NFIB: variants seen among roughly 807,000 people sequenced by gnomAD.
NFIB encodes the protein nuclear factor I B, also known as nuclear factor 1 B-type.
A neutral mutation model predicts 61.5 loss-of-function variants in NFIB; 11 were observed. The ratio of observed to expected loss-of-function variants is 0.18; its 90% CI spans 0.11 to 0.30. NFIB has a LOEUF of 0.30. NFIB is among the 10% of genes least tolerant of loss of function. The pLI, the probability that NFIB is intolerant of heterozygous loss-of-function variation, is 1.00. For synonymous variants in NFIB, 260 were observed against 216.5 expected (o/e 1.20, Z -1.76); for missense variants, 471 against 608.9 (o/e 0.77, Z 2.38).
intron 3 of NFIB, among the ~76,000 whole-genome samples, chr9:14,178,945 G>C (rs924079119): frequency 6.6e-6 from 1 of 152,020 alleles, no homozygotes; most frequent in Non-Finnish European, 1.5e-5. Context: ...TAGCTGGTTC[G>C]GGGTTTTTGT....
the NFIB span, chr9:14,531,905 T>A: frequency 1.3e-5 from 2 of 151,628 alleles, no homozygotes; most frequent in Non-Finnish European, 2.9e-5. Context: ...GGGAGGGAAG[T>A]TTTGGGGGTG....
intron 2 of NFIB, among the ~76,000 whole-genome samples, chr9:14,273,269 C>T (rs539719052): frequency 1.3e-5 from 2 of 152,272 alleles, no homozygotes; most frequent in East Asian, 3.9e-4. Context: ...CTGTGTAACT[C>T]TACATGTCAA....
At chr9:14,167,507 C>T (rs546876834) in intron 3 of NFIB, among the ~76,000 whole-genome samples, 3 of 152,130 alleles carry the variant, frequency 2.0e-5, no homozygotes, top group South Asian at 4.2e-4. Flanking sequence ...CACTCCAGAC[C>T]GGGCAACAGA....
chr9:14,232,742 A>C (rs2053337111), intron 2 of NFIB, among the ~76,000 whole-genome samples: 1 of 152,248 alleles, frequency 6.6e-6, no homozygotes, highest in African/African-American at 2.4e-5. Context: ...ATGACTCTTA[A>C]GTGATTTACA....
At chr9:14,093,151 C>T (rs1247743958) in intron 10 of NFIB, among the ~76,000 whole-genome samples, 2 of 151,960 alleles carry the variant, frequency 1.3e-5, no homozygotes, top group Non-Finnish European at 2.9e-5. Context: ...TTTACATCAC[C>T]TATTATTTAT....
At chr9:14,223,925 G>A (rs1159431238) in intron 2 of NFIB, among the ~76,000 whole-genome samples, 1 of 152,198 alleles carries the variant, frequency 6.6e-6, no homozygotes, top group African/African-American at 2.4e-5. Context: ...CTACACTCTA[G>A]TTGGCCAAGA....
At chr9:14,416,471 C>A in the NFIB span, among the ~76,000 whole-genome samples, 2 of 150,040 alleles carry the variant, frequency 1.3e-5, no homozygotes, top group Non-Finnish European at 3.0e-5. Flanking sequence ...TGTGTAGGCC[C>A]AGGCTAATGT....
intron 1 of NFIB, among the ~76,000 whole-genome samples, chr9:14,332,956 A>G (rs1483089038): frequency 6.6e-6 from 1 of 152,204 alleles, no homozygotes; most frequent in African/African-American, 2.4e-5. Flanking sequence ...TTTTATCAAA[A>G]GAAGGAAATG....
At chr9:14,427,919 T>G in the NFIB span, among the ~76,000 whole-genome samples, 1 of 147,382 alleles carries the variant, frequency 6.8e-6, no homozygotes, top group African/African-American at 2.5e-5. Flanking sequence ...CAGATCTACA[T>G]TATTCTTTAA....
the NFIB span, among the ~76,000 whole-genome samples, chr9:14,528,096 T>C: frequency 2.0e-5 from 3 of 152,162 alleles, no homozygotes; most frequent in South Asian, 4.1e-4. Context: ...CAGTTTAAAA[T>C]AGTCAATTAT....
intron 1 of NFIB, among the ~76,000 whole-genome samples, chr9:14,397,556 C>T (rs1336989899): frequency 4.6e-5 from 7 of 152,122 alleles, no homozygotes; most frequent in Non-Finnish European, 8.8e-5. Flanking sequence ...AGAAATTATT[C>T]ACAAGTCTTT....
At chr9:14,196,447 G>A (rs2048477150) in intron 2 of NFIB, among the ~76,000 whole-genome samples, 2 of 152,066 alleles carry the variant, frequency 1.3e-5, no homozygotes, top group African/African-American at 2.4e-5. Flanking sequence ...GCGGAAGGGG[G>A]TTCCTGTTTA....
At chr9:14,348,348 A>AG (rs2061059986) in intron 1 of NFIB, among the ~76,000 whole-genome samples, 1 of 151,604 alleles carries the variant, frequency 6.6e-6, no homozygotes, top group African/African-American at 2.4e-5. Context: ...GAAAAAAAAA[A>AG]AAGACCCCAA....
At chr9:14,482,920 G>A in the NFIB span, among the ~76,000 whole-genome samples, 1 of 152,204 alleles carries the variant, frequency 6.6e-6, no homozygotes, top group Non-Finnish European at 1.5e-5. Flanking sequence ...CAAATAATGT[G>A]AATTTGGATG....
intron 1 of NFIB, among the ~76,000 whole-genome samples, chr9:14,340,303 A>C (rs2060934989): frequency 6.6e-6 from 1 of 152,208 alleles, no homozygotes; most frequent in South Asian, 2.1e-4. Context: ...TTAGTAAAAG[A>C]ATGGGCGTTC....
upstream of NFIB, among the ~76,000 whole-genome samples, chr9:14,400,720 T>G (rs554731666): frequency 6.6e-6 from 1 of 152,248 alleles, no homozygotes; most frequent in East Asian, 1.9e-4. Flanking sequence ...AAGGCAGTGA[T>G]TGGGAAAGCG....
At chr9:14,422,169 C>T in the NFIB span, among the ~76,000 whole-genome samples, 929 of 152,290 alleles carry the variant, frequency 6.1e-3, 11 homozygotes, top group African/African-American at 0.021. Context: ...AAGGAGACTC[C>T]GACCCAGGAA....
chr9:14,453,723 T>C, the NFIB span, among the ~76,000 whole-genome samples: 127 of 152,354 alleles, frequency 8.3e-4, no homozygotes, highest in African/African-American at 2.7e-3. Flanking sequence ...GGTGACATTA[T>C]TCCCTTGCTC....
At chr9:14,477,374 T>C in the NFIB span, among the ~76,000 whole-genome samples, 1 of 152,222 alleles carries the variant, frequency 6.6e-6, no homozygotes, top group Non-Finnish European at 1.5e-5. Context: ...TGGGTATATA[T>C]AAGTGAATGT....
Sources: gnomAD v4.1 joint callset for allele counts (sites outside exome capture counted in the v4.1 genomes callset) on GRCh38, gnomAD v4.1.1 for gene constraint, MANE v1.5 for transcripts, NCBI Gene and HGNC (gene_info 2026-07-23, HGNC 2026-07-21) for gene names.